CTNNA3: variants seen among roughly 807,000 people sequenced by gnomAD.
CTNNA3 encodes catenin alpha 3.
Under a neutral mutation model 95.7 loss-of-function variants are expected in CTNNA3, and 76 were observed. The observed-to-expected ratio is 0.79, with a 90% CI of 0.66 to 0.96. The LOEUF is 0.96. Among genes scored for constraint, CTNNA3 ranks in the 40% least tolerant of loss-of-function variants. CTNNA3 has a pLI of 0.00. For missense variants in CTNNA3, 1,191 were observed against 1,089.8 expected (o/e 1.09, Z -1.31); for synonymous variants, 431 against 374.4 (o/e 1.15, Z -1.74).
chr10:67,729,195 T>C (rs1841261158), intron 1 of CTNNA3, among the ~76,000 whole-genome samples: 1 of 152,122 alleles, frequency 6.6e-6, no homozygotes, highest in African/African-American at 2.4e-5. Context: ...CCCTAAAAGG[T>C]ACCAGAATTA....
At chr10:66,244,610 G>T (rs563957856) in intron 13 of CTNNA3, among the ~76,000 whole-genome samples, 29 of 152,296 alleles carry the variant, frequency 1.9e-4, no homozygotes, top group African/African-American at 6.7e-4. Flanking sequence ...GTAATTCGGA[G>T]AATTCTTCTG....
chr10:66,854,376 G>C (rs1843610179), intron 7 of CTNNA3, among the ~76,000 whole-genome samples: 1 of 151,904 alleles, frequency 6.6e-6, no homozygotes, highest in Non-Finnish European at 1.5e-5. Flanking sequence ...AATGAACTAG[G>C]TACTATGTGA....
chr10:66,136,931 C>T (rs1206211019), intron 13 of CTNNA3, among the ~76,000 whole-genome samples: 1 of 152,038 alleles, frequency 6.6e-6, no homozygotes, highest in Non-Finnish European at 1.5e-5. Context: ...AAGCAATTCT[C>T]CTGACTCAGC....
intron 1 of CTNNA3, among the ~76,000 whole-genome samples, chr10:67,747,796 G>A (rs1841381592): frequency 6.6e-6 from 1 of 152,172 alleles, no homozygotes; most frequent in African/African-American, 2.4e-5. Context: ...CAGAAGGTGG[G>A]TAATAACAAA....
chr10:66,642,643 T>A (rs1845560956), intron 9 of CTNNA3, among the ~76,000 whole-genome samples: 1 of 152,088 alleles, frequency 6.6e-6, no homozygotes, highest in South Asian at 2.1e-4. Context: ...CCCGCCATTT[T>A]CAAAAATATA....
intron 9 of CTNNA3, among the ~76,000 whole-genome samples, chr10:66,752,846 A>ACACACACACG (rs1183054078): frequency 4.6e-4 from 70 of 152,106 alleles, no homozygotes; most frequent in African/African-American, 1.6e-3. Context: ...AGGAAGACAC[A>ACACACACACG]CACACACACG....
In CTNNA3 at chr10:66,747,322, G is replaced by A. The variant is rs185022694; in HGVS notation, c.1281+18942C>T. Among the ~76,000 whole-genome samples the A allele has an allele frequency of 8.5e-3, 1,294 of 152,248 alleles. 10 individuals carry two copies. Among genetic ancestry groups the A allele is most frequent in the Non-Finnish European group, 0.012 (789 of 68,010 alleles). ...TCTTAGGAAAATAATAAATAAATTTGAAATTCTTCAAGACTAAATGGTTAA... is the reference window on the plus strand; with the variant it reads ...TCTTAGGAAAATAATAAATAAATTTAAAATTCTTCAAGACTAAATGGTTAA... On this transcript the variant is annotated intron_variant, in intron 9 of 17. Coordinates refer to ENST00000433211, the MANE Select transcript of CTNNA3 (RefSeq NM_013266.4).
intron 7 of CTNNA3, among the ~76,000 whole-genome samples, chr10:66,954,550 G>T (rs1848695488): frequency 6.6e-6 from 1 of 152,132 alleles, no homozygotes; most frequent in South Asian, 2.1e-4. Context: ...CACTGGTCAT[G>T]CCCCATGGAT....
chr10:67,521,286 A>T (rs1839976580), intron 5 of CTNNA3, among the ~76,000 whole-genome samples: 1 of 152,208 alleles, frequency 6.6e-6, no homozygotes, highest in Non-Finnish European at 1.5e-5. Flanking sequence ...CTCTCTATTT[A>T]TCTAGGGGCC....
At chr10:67,345,502 G>A (rs961678521) in intron 5 of CTNNA3, among the ~76,000 whole-genome samples, 5 of 152,016 alleles carry the variant, frequency 3.3e-5, no homozygotes, top group East Asian at 1.9e-4. Flanking sequence ...ATATCTGGGC[G>A]CTTCAGTGTT....
At chr10:66,758,699 T>C (rs916006730) in intron 9 of CTNNA3, among the ~76,000 whole-genome samples, 24 of 152,042 alleles carry the variant, frequency 1.6e-4, no homozygotes, top group African/African-American at 5.6e-4. Context: ...CTTTGGGAAG[T>C]TGAGGCAGGC....
At chr10:67,591,273 AAATT>A (rs762202069) in intron 3 of CTNNA3, among the ~76,000 whole-genome samples, 1 of 152,190 alleles carries the variant, frequency 6.6e-6, no homozygotes, top group Non-Finnish European at 1.5e-5. Context: ...CAAACTTTAA[AAATT>A]AATTCTATAA....
chr10:67,744,439 T>G (rs1417794262), intron 1 of CTNNA3, among the ~76,000 whole-genome samples: 2 of 151,266 alleles, frequency 1.3e-5, no homozygotes, highest in African/African-American at 4.8e-5. Context: ...CTGGGAAAAC[T>G]GGCTAGCCAT....
intron 7 of CTNNA3, among the ~76,000 whole-genome samples, chr10:66,976,177 T>C (rs1365442811): frequency 1.3e-5 from 2 of 152,160 alleles, no homozygotes; most frequent in Non-Finnish European, 2.9e-5. Context: ...TAAAAATAAT[T>C]TAAAGTAACT....
At position 66,511,453 on chromosome 10, in the gene CTNNA3, T is replaced by C. The variant is rs12219412; in HGVS notation, c.1531+9164A>G. On this transcript the variant is annotated intron_variant, in intron 11 of 17. Coordinates refer to ENST00000433211, the MANE Select transcript of CTNNA3 (RefSeq NM_013266.4). ...TTGCTTTTCTATTTTTTGAGGTGTA[T>C]CACTAGGTTATTTGAAATCTTTTTT... Among the ~76,000 whole-genome samples, 1,259 of 140,664 alleles carry C rather than the reference T, an allele frequency of 9.0e-3. 125 individuals are homozygous for C. In the East Asian group the frequency reaches 0.2, roughly 22 times the overall value. 92.3% of individuals were successfully genotyped at this position (140,664 alleles called of 152,430 possible). A position where few individuals can be genotyped will look rare whatever the true frequency, so the allele number is the denominator to read the frequency against.
chr10:67,671,093 C>T (rs1840423279), intron 1 of CTNNA3, among the ~76,000 whole-genome samples: 1 of 152,118 alleles, frequency 6.6e-6, no homozygotes, highest in East Asian at 1.9e-4. Context: ...TCTTTCTCTG[C>T]TATGGAGGCA....
At chr10:67,142,705 G>C (rs955592128) in intron 7 of CTNNA3, among the ~76,000 whole-genome samples, 2 of 151,882 alleles carry the variant, frequency 1.3e-5, no homozygotes, top group African/African-American at 4.8e-5. Context: ...AGGCCGAGGC[G>C]AGTGGATCAC....
intron 5 of CTNNA3, among the ~76,000 whole-genome samples, chr10:67,485,894 A>G (rs1263658815): frequency 1.3e-5 from 2 of 152,192 alleles, no homozygotes; most frequent in Non-Finnish European, 2.9e-5. Context: ...CTGATAGGAA[A>G]CACTTCTTTG....
chr10:67,542,079 G>A (rs1033383635), intron 3 of CTNNA3, among the ~76,000 whole-genome samples: 4 of 152,066 alleles, frequency 2.6e-5, no homozygotes, highest in African/African-American at 9.7e-5. Flanking sequence ...AATATAAACA[G>A]CCAGTCAGGT....
Sources: allele counts gnomAD v4.1 joint callset (sites outside exome capture counted in the v4.1 genomes callset), GRCh38; gene constraint gnomAD v4.1.1; transcripts MANE v1.5; gene names NCBI Gene and HGNC (gene_info 2026-07-23, HGNC 2026-07-21).